Variants in SYNPO2 observed in about 807,000 individuals in gnomAD.
The protein encoded by SYNPO2 is synaptopodin 2.
In SYNPO2, 56 loss-of-function variants were observed where a neutral mutation model predicts 85.0. The observed-to-expected ratio is 0.66, with a 90% CI of 0.53 to 0.82. The LOEUF (loss-of-function observed/expected upper bound fraction) is 0.82. SYNPO2 is among the 40% of genes least tolerant of loss of function. The probability of loss-of-function intolerance (pLI) is 0.00; values close to 1 mark genes in which losing one functional copy is unlikely to be tolerated. For synonymous variants in SYNPO2, 602 were observed against 591.1 expected (o/e 1.02, Z -0.27); for missense variants, 1,575 against 1,534.2 (o/e 1.03, Z -0.44).
chr4:118,872,499 G>A (rs1225198626), intron 1 of SYNPO2, among the ~76,000 whole-genome samples: 1 of 152,086 alleles, frequency 6.6e-6, no homozygotes, highest in Admixed American at 6.6e-5. Context: ...TATTAAAATG[G>A]CAAGAATAGT....
chr4:118,942,615 G>A (rs905534968), intron 1 of SYNPO2, among the ~76,000 whole-genome samples: 1 of 151,984 alleles, frequency 6.6e-6, no homozygotes, highest in Non-Finnish European at 1.5e-5. Context: ...ACCCTATAAA[G>A]AGAATGACTC....
chr4:118,951,325 T>C (rs1734688766), intron 1 of SYNPO2, among the ~76,000 whole-genome samples: 1 of 152,206 alleles, frequency 6.6e-6, no homozygotes, highest in Admixed American at 6.5e-5. Flanking sequence ...TGTGTCCTCA[T>C]ATGGGATGGA....
At chr4:118,852,115 A>T (rs1342026812) in intron 1 of SYNPO2, among the ~76,000 whole-genome samples, 1 of 152,204 alleles carries the variant, frequency 6.6e-6, no homozygotes, top group Non-Finnish European at 1.5e-5. Context: ...TTTGCCGTAT[A>T]AAAAAAGCTC....
In SYNPO2 at chr4:119,030,225, T is replaced by C. The variant is rs1366103677; in HGVS notation, c.1450T>C (p.Leu484=). ...KLNRGDKMEM[L]PDTTGKGALM... ...GAACAGAGGGGACAAGATGGAGATG[T>C]TACCAGACACCACAGGCAAGGGAGC... The change falls in exon 4 of 5, where the codon TTA becomes CTA. Residue 484 remains leucine, a synonymous_variant. Transcript: ENST00000307142. The C allele has an allele frequency of 3.7e-6, 6 of 1,613,922 alleles. No homozygotes were observed. The highest frequency in any genetic ancestry group is 5.1e-6 in the Non-Finnish European group (6 of 1,179,982).
At position 118,889,007 on chromosome 4, in the gene SYNPO2, C is replaced by G. The variant is rs775904843; in HGVS notation, c.-30C>G. On this transcript the variant is annotated 5_prime_UTR_variant, in exon 1 of 5. Coordinates refer to ENST00000307142, the MANE Select transcript of SYNPO2 (RefSeq NM_133477.3). ...CCCAAGCTTCGTCTGTCTCGTCAAG[C>G]TCTTCATGCTGCCCAACTAAAAGGA... 1 of 1,609,650 alleles carries G rather than the reference C, an allele frequency of 6.2e-7. No homozygotes were observed. Among genetic ancestry groups the G allele is most frequent in the Admixed American group, 1.7e-5 (1 of 59,988 alleles).
chr4:118,871,286 TG>T (rs1731795018), intron 1 of SYNPO2, among the ~76,000 whole-genome samples: 1 of 151,980 alleles, frequency 6.6e-6, no homozygotes, highest in Non-Finnish European at 1.5e-5. Flanking sequence ...TTTTTTTTTT[TG>T]GATGAAGTTT....
At chr4:118,932,225 G>A (rs1388206871) in intron 1 of SYNPO2, among the ~76,000 whole-genome samples, 1 of 152,068 alleles carries the variant, frequency 6.6e-6, no homozygotes, top group Non-Finnish European at 1.5e-5. Flanking sequence ...AAAAATAGAT[G>A]AGAGCATTTT....
chr4:118,858,395 AT>A (rs1332798294), intron 1 of SYNPO2, among the ~76,000 whole-genome samples: 2 of 152,198 alleles, frequency 1.3e-5, no homozygotes, highest in African/African-American at 4.8e-5. Flanking sequence ...TCACCTCACA[AT>A]TTCTGATATG....
rs187539157 is a variant in SYNPO2, at chr4:119,034,661, A to G, written c.3252+2634A>G. On this transcript the variant is annotated intron_variant, in intron 4 of 4. Coordinates refer to ENST00000307142, the MANE Select transcript of SYNPO2 (RefSeq NM_133477.3). Reference sequence around the variant, plus strand: ...GAAGTTCTCCAAAACAATATCCACAACAAAGTCTGACCTCACTCTGAGGGA... The same window carrying G: ...GAAGTTCTCCAAAACAATATCCACAGCAAAGTCTGACCTCACTCTGAGGGA... 1.6e-3 allele frequency: 1,563 copies of G among 985,486 alleles called. 5 individuals are homozygous for G. Among genetic ancestry groups the G allele is most frequent in the Admixed American group, 2.9e-3 (48 of 16,286 alleles). 61.0% of individuals were successfully genotyped at this position (985,486 alleles called of 1,614,324 possible).
chr4:118,864,790 G>T (rs150550479), intron 1 of SYNPO2, among the ~76,000 whole-genome samples: 21 of 152,152 alleles, frequency 1.4e-4, no homozygotes, highest in African/African-American at 5.1e-4. Context: ...GCTTTCATTA[G>T]CTTGGAATAT....
chr4:118,873,235 A>G (rs1731836060), intron 1 of SYNPO2, among the ~76,000 whole-genome samples: 1 of 152,240 alleles, frequency 6.6e-6, no homozygotes, highest in Non-Finnish European at 1.5e-5. Context: ...TGGATCAAAC[A>G]GTAGTTCTAA....
intron 1 of SYNPO2, among the ~76,000 whole-genome samples, chr4:118,939,882 T>C (rs1394726584): frequency 6.6e-6 from 1 of 152,162 alleles, no homozygotes; most frequent in African/African-American, 2.4e-5. Context: ...TTTTGAACTG[T>C]GTTTTGTTAA....
At chr4:119,024,787 C>A (rs1440944784) in intron 2 of SYNPO2, among the ~76,000 whole-genome samples, 1 of 152,192 alleles carries the variant, frequency 6.6e-6, no homozygotes, top group African/African-American at 2.4e-5. Flanking sequence ...ACCACTACCA[C>A]TATTTTAAAT....
intron 1 of SYNPO2, among the ~76,000 whole-genome samples, chr4:119,004,207 A>G (rs890129347): frequency 1.3e-4 from 19 of 151,754 alleles, no homozygotes; most frequent in African/African-American, 4.6e-4. Context: ...CCATTTGTGG[A>G]AATTGTTCAA....
At chr4:118,948,249 A>C (rs1459422862) in intron 1 of SYNPO2, among the ~76,000 whole-genome samples, 6 of 152,200 alleles carry the variant, frequency 3.9e-5, no homozygotes, top group Non-Finnish European at 8.8e-5. Flanking sequence ...AGAATGAAGA[A>C]CCAATTAACC....
chr4:118,866,163 G>A (rs2110568721), intron 1 of SYNPO2, among the ~76,000 whole-genome samples: 1 of 152,306 alleles, frequency 6.6e-6, no homozygotes, highest in Non-Finnish European at 1.5e-5. Context: ...TTTTCCAATT[G>A]CAGTATTATT....
At chr4:118,910,161 C>A (rs1471282676) in intron 1 of SYNPO2, among the ~76,000 whole-genome samples, 1 of 152,210 alleles carries the variant, frequency 6.6e-6, no homozygotes, top group South Asian at 2.1e-4. Context: ...CTATTTCTCA[C>A]TGTTGTTTTC....
intron 4 of SYNPO2, chr4:119,034,264 A>G (rs889843558): frequency 2.0e-6 from 2 of 985,334 alleles, no homozygotes; most frequent in African/African-American, 1.7e-5. Flanking sequence ...AAAGAGCGGC[A>G]TGAATTAGAG....
chr4:119,027,268 G>C lies in SYNPO2; in HGVS notation c.899G>C (p.Arg300Thr), dbSNP rs1301289759. The change falls in exon 3 of 5, where the codon AGG becomes ACG. Residue 300 changes from arginine to threonine, a missense_variant. Transcript: ENST00000307142. ...CSDRQKTEGC[R>T]LQAGKECVDS... ...GACAGGCAGAAGACAGAAGGGTGCA[G>C]GCTTCAGGCAGGAAAGGAGTGTGTG... The C allele has an allele frequency of 6.2e-7, 1 of 1,614,174 alleles. No homozygotes were observed. Among genetic ancestry groups the C allele is most frequent in the South Asian group, 1.1e-5 (1 of 91,086 alleles).
Sources: gnomAD v4.1 joint callset for allele counts (sites outside exome capture counted in the v4.1 genomes callset) on GRCh38, gnomAD v4.1.1 for gene constraint, MANE v1.5 for transcripts, NCBI Gene and HGNC (gene_info 2026-07-23, HGNC 2026-07-21) for gene names.